The following GSDME variants were observed in gnomAD, a reference collection of about 807,000 sequenced individuals.
GSDME encodes gasdermin-E.
Under a neutral mutation model 47.5 loss-of-function variants are expected in GSDME, and 44 were observed. The observed-to-expected ratio is 0.93, with a 90% CI of 0.73 to 1.19. The LOEUF (loss-of-function observed/expected upper bound fraction) is 1.19. Ranked by LOEUF, GSDME falls within the 50% of genes most tolerant of loss-of-function variation. GSDME has a pLI of 0.00. For missense variants in GSDME, 663 were observed against 604.2 expected, an observed-to-expected ratio of 1.10 and a Z score of -1.02; for synonymous variants, 258 against 252.8, an observed-to-expected ratio of 1.02 and a Z score of -0.20.
chr7:24,788,304 G>T, the GSDME span, among the ~76,000 whole-genome samples: 1 of 152,202 alleles, frequency 6.6e-6, no homozygotes, highest in African/African-American at 2.4e-5. This position sits in a 1 kb window ranked among gnomAD's most constrained non-coding sequence, Gnocchi z 4.6. Context: ...GAGGAGACAG[G>T]GCCTGGGATA....
Position 24,717,338 on chromosome 7 carries a change from A to G in GSDME, c.613T>C (p.Ser205Pro). The part of the protein sequence containing the change: ...ATEDGNVTKD[S>P]NVVLEIPAAT... ...GCTGGGATCTCCAGCACCACGTTGGAGTCCTTGGTGACATTCCCATCCTCC... is the reference window on the plus strand; with the variant it reads ...GCTGGGATCTCCAGCACCACGTTGGGGTCCTTGGTGACATTCCCATCCTCC... Residue 205 changes from serine (S) to proline (P), a missense_variant, in exon 5 of 10, where the codon TCC (serine) becomes CCC (proline). Coordinates refer to ENST00000645220, the MANE Select transcript of GSDME (RefSeq NM_001127453.2). 6.2e-7 allele frequency: 1 copy of G among 1,612,150 alleles called. No individual in the cohort carries two copies. The highest frequency in any genetic ancestry group is 8.5e-7 in the Non-Finnish European group (1 of 1,179,318).
intron 3 of GSDME, among the ~76,000 whole-genome samples, chr7:24,731,121 C>T (rs2237322): frequency 6.6e-6 from 1 of 152,016 alleles, no homozygotes; most frequent in African/African-American, 2.4e-5. Flanking sequence ...GAGTGGATTT[C>T]GTGGGGCCTT....
the GSDME span, among the ~76,000 whole-genome samples, chr7:24,776,095 G>C: frequency 6.7e-6 from 1 of 148,442 alleles, no homozygotes. Flanking sequence ...CAGGAGAATG[G>C]CTTGAACCTG....
intron 1 of GSDME, among the ~76,000 whole-genome samples, chr7:24,752,498 A>G (rs1353023841): frequency 6.6e-6 from 1 of 152,236 alleles, no homozygotes; most frequent in African/African-American, 2.4e-5. Context: ...GGACTATGTC[A>G]GTGGCATAAG....
In GSDME at chr7:24,744,037, G is replaced by A. The variant is rs77162489; in HGVS notation, c.404+525C>T. ...TATTTTTTGAATGTTGAATAAATATGAGGTAAGAATAATGATGAGCTATAG... is the reference window on the plus strand; with the variant it reads ...TATTTTTTGAATGTTGAATAAATATAAGGTAAGAATAATGATGAGCTATAG... On this transcript the variant is annotated intron_variant, in intron 3 of 9. Transcript: ENST00000645220. The surrounding 1 kb of genome is among the most constrained non-coding windows in gnomAD (Gnocchi z 4.5). 0.098 allele frequency: 17,627 copies of A among 179,670 alleles called. 1,001 individuals carry two copies. The highest frequency in any genetic ancestry group is 0.13 in the Admixed American group (2,293 of 18,264). The allele number at this position is 179,670 out of a possible 1,614,324, so 11.1% of individuals were successfully genotyped here.
rs1313777389 is a variant in GSDME, at chr7:24,749,498, A to G, written c.211+66T>C. 3 of 134,916 alleles carry G rather than the reference A, an allele frequency of 2.2e-5. No individual in the cohort carries two copies. The Admixed American group carries it at 3.3e-4, about 15-fold the overall frequency. 8.4% of individuals were successfully genotyped at this position (134,916 alleles called of 1,614,324 possible). ...GCATGGGCGACAGAGACTCTGTGTC[A>G]AAAAAAAAAAAAAAAAGGATCATCC... is the stretch of plus-strand genomic sequence containing the variant. On this transcript the variant is annotated intron_variant, in intron 2 of 9. Coordinates refer to ENST00000645220, the MANE Select transcript of GSDME (RefSeq NM_001127453.2).
At chr7:24,768,406 C>T in the GSDME span, among the ~76,000 whole-genome samples, 1 of 152,286 alleles carries the variant, frequency 6.6e-6, no homozygotes, top group Admixed American at 6.5e-5. The surrounding 1 kb of genome is among the most constrained non-coding windows in gnomAD (Gnocchi z 5.6). Context: ...TTGTAAAGAT[C>T]AGCTGAGACC....
chr7:24,706,042 T>A, intron 8 of GSDME, 142 bp downstream of exon 8: 1 of 1,070,044 alleles, frequency 9.3e-7, no homozygotes, highest in South Asian at 1.4e-5. Flanking sequence ...TCCCACCTCT[T>A]ACCCTCCCTG....
Position 24,735,629 on chromosome 7 carries a change from G to C in GSDME, c.404+8933C>G, listed in dbSNP as rs1790279857. Reference sequence around the variant, plus strand: ...AAAAAGTAGCCGGGCGTGGTGGTGGGCGCCTGTAATCCCAACTACTCAGGA... The same window carrying C: ...AAAAAGTAGCCGGGCGTGGTGGTGGCCGCCTGTAATCCCAACTACTCAGGA... On this transcript the variant is annotated intron_variant, in intron 3 of 9. Coordinates refer to ENST00000645220, the MANE Select transcript of GSDME (RefSeq NM_001127453.2). The surrounding 1 kb of genome is among the most constrained non-coding windows in gnomAD (Gnocchi z 4.4). 6.6e-6 allele frequency among the ~76,000 whole-genome samples: 1 copy of C among 151,848 alleles called. No homozygotes were observed. Among genetic ancestry groups the C allele is most frequent in the Non-Finnish European group, 1.5e-5 (1 of 67,952 alleles).
chr7:24,787,857 C>A, the GSDME span, among the ~76,000 whole-genome samples: 40 of 152,140 alleles, frequency 2.6e-4, no homozygotes, highest in Middle Eastern at 6.8e-3. The surrounding 1 kb of genome is among the most constrained non-coding windows in gnomAD (Gnocchi z 5.0). Context: ...CAGGCACGTG[C>A]CACCACACCC....
chr7:24,703,044 C>T (rs577584994), intron 8 of GSDME: 6 of 499,136 alleles, frequency 1.2e-5, no homozygotes, highest in Admixed American at 7.5e-5. Flanking sequence ...GCTGCCAGCT[C>T]TGCATTCCAC....
the GSDME span, among the ~76,000 whole-genome samples, chr7:24,769,653 C>A: frequency 6.6e-6 from 1 of 152,136 alleles, no homozygotes. Context: ...ACCTCTCCAC[C>A]ACATCACTAA....
rs549984384 is a variant in GSDME, at chr7:24,754,253, G to A, written c.-20+3143C>T. 7.9e-5 allele frequency among the ~76,000 whole-genome samples: 12 copies of A among 152,278 alleles called. No individual in the cohort carries two copies. Among genetic ancestry groups the A allele is most frequent in the African/African-American group, 2.2e-4 (9 of 41,550 alleles). ...TGTAATCCCAGCACTTTGGGAGGCC[G>A]AGGTGGGGCGGATCACCTAGGTCAG... On this transcript the variant is annotated intron_variant, in intron 1 of 9. Transcript: ENST00000645220. This position sits in a 1 kb window ranked among gnomAD's most constrained non-coding sequence, Gnocchi z 5.0.
rs1789959748 is a variant in GSDME, at chr7:24,726,158, C to G, written c.405-6940G>C. 6.6e-6 allele frequency among the ~76,000 whole-genome samples: 1 copy of G among 152,196 alleles called. No individual in the cohort carries two copies. The highest frequency in any genetic ancestry group is 1.5e-5 in the Non-Finnish European group (1 of 68,040). ...ATCCATCAGCTCCCCAGGCCCAGCCCTAATGAAGCCGCCTCCTCTCCCAGC... is the reference window on the plus strand; with the variant it reads ...ATCCATCAGCTCCCCAGGCCCAGCCGTAATGAAGCCGCCTCCTCTCCCAGC... On this transcript the variant is annotated intron_variant, in intron 3 of 9. Coordinates refer to ENST00000645220, the MANE Select transcript of GSDME (RefSeq NM_001127453.2). The surrounding 1 kb of genome is among the most constrained non-coding windows in gnomAD (Gnocchi z 5.6).
At chr7:24,772,129 GC>G in the GSDME span, among the ~76,000 whole-genome samples, 1 of 152,060 alleles carries the variant, frequency 6.6e-6, no homozygotes, top group Admixed American at 6.6e-5. This position sits in a 1 kb window ranked among gnomAD's most constrained non-coding sequence, Gnocchi z 4.5. Context: ...GCATCCTCTG[GC>G]CCCTGCCCAC....
chr7:24,698,907 A>G lies in GSDME; in HGVS notation c.*119T>C. The G allele has an allele frequency of 1.3e-6, 1 of 791,770 alleles. No individual in the cohort carries two copies. The highest frequency in any genetic ancestry group is 2.7e-5 in the East Asian group (1 of 37,538). The allele number at this position is 791,770 out of a possible 1,614,324, so 49.0% of individuals were successfully genotyped here. A position where few individuals can be genotyped will look rare whatever the true frequency, so the allele number is the denominator to read the frequency against. On this transcript the variant is annotated 3_prime_UTR_variant, in exon 10 of 10. Transcript: ENST00000645220. ...GTCATTCATCATGCAAAATGTCACC[A>G]CTTCTTAAACTGTTCTGTAAATTCA...
At chr7:24,792,767 C>T in the GSDME span, among the ~76,000 whole-genome samples, 3 of 145,922 alleles carry the variant, frequency 2.1e-5, no homozygotes, top group South Asian at 4.5e-4. Context: ...TGGTTAGCAG[C>T]GCAAGGTAGG....
chr7:24,705,261 C>G lies in GSDME; in HGVS notation c.1183+923G>C, dbSNP rs1439819287. 6.6e-6 allele frequency: 1 copy of G among 152,194 alleles called. No individual in the cohort carries two copies. Among genetic ancestry groups the G allele is most frequent in the African/African-American group, 2.4e-5 (1 of 41,426 alleles). 9.4% of individuals were successfully genotyped at this position (152,194 alleles called of 1,614,324 possible). On this transcript the variant is annotated intron_variant, in intron 8 of 9. Coordinates refer to ENST00000645220, the MANE Select transcript of GSDME (RefSeq NM_001127453.2). This position sits in a 1 kb window ranked among gnomAD's most constrained non-coding sequence, Gnocchi z 4.1. The stretch of plus-strand genomic sequence containing the variant: ...GTCTCTAGTGGAGTTCCGCAGGGCT[C>G]TGTCTTATGTCCTGTTTCAGTTTAC...
At chr7:24,747,730 C>T (rs1584105759) in intron 2 of GSDME, among the ~76,000 whole-genome samples, 1 of 152,022 alleles carries the variant, frequency 6.6e-6, no homozygotes, top group Non-Finnish European at 1.5e-5. Flanking sequence ...TGCAGTGGCA[C>T]AATCATGGCT....
Sources: gnomAD v4.1 joint callset for allele counts (sites outside exome capture counted in the v4.1 genomes callset) on GRCh38, gnomAD v4.1.1 for gene constraint, Gnocchi (gnomAD v3.1) non-coding constraint, MANE v1.5 for transcripts, NCBI Gene and HGNC (gene_info 2026-07-23, HGNC 2026-07-21) for gene names.